CDK11A: variants seen among roughly 807,000 people sequenced by gnomAD.
CDK11A encodes cyclin dependent kinase 11A.
CDK11A carries 55 observed loss-of-function variants against 83.6 expected under a neutral mutation model. The observed-to-expected ratio is 0.66, with a 90% CI of 0.53 to 0.82. CDK11A has a LOEUF of 0.82. CDK11A is among the 40% of genes least tolerant of loss of function. The probability of loss-of-function intolerance (pLI) is 0.00; values close to 1 mark genes in which losing one functional copy is unlikely to be tolerated. For missense variants in CDK11A, 564 were observed against 810.1 expected (o/e 0.70, Z 3.69); for synonymous variants, 247 against 302.7 (o/e 0.82, Z 1.91).
At position 1,721,765 on chromosome 1, in the gene CDK11A, T is replaced by C. The variant is rs576656860; in HGVS notation, c.112-54A>G. 2,241 of 1,447,184 alleles carry C rather than the reference T, an allele frequency of 1.5e-3. 52 individuals carry two copies. The highest frequency in any genetic ancestry group is 2.0e-3 in the Non-Finnish European group (2,143 of 1,063,346). 89.6% of individuals were successfully genotyped at this position (1,447,184 alleles called of 1,614,324 possible). A position where few individuals can be genotyped will look rare whatever the true frequency, so the allele number is the denominator to read the frequency against. ...TTCTTTATAAGTTTTTTTTTCTTCA[T>C]AGATAAAAGTATTTTTAATGATAAT... is the stretch of plus-strand genomic sequence containing the variant. On this transcript the variant is annotated intron_variant, in intron 2 of 19. Coordinates refer to ENST00000404249, the MANE Select transcript of CDK11A (RefSeq NM_024011.4).
chr1:1,703,959 T>C lies in CDK11A; in HGVS notation c.1795-19A>G, dbSNP rs765093284. The C allele has an allele frequency of 1.2e-6, 2 of 1,607,898 alleles. No homozygotes were observed. Among genetic ancestry groups the C allele is most frequent in the Non-Finnish European group, 1.7e-6 (2 of 1,176,394 alleles). Reference sequence around the variant, plus strand: ...AGTATTCCTAAGACGCCAGGAGAGGTGTTCAGGAAGGCCAGTGCCCGCGAA... The same window carrying C: ...AGTATTCCTAAGACGCCAGGAGAGGCGTTCAGGAAGGCCAGTGCCCGCGAA... On this transcript the variant is annotated intron_variant, in intron 16 of 19. Transcript: ENST00000404249.
chr1:1,722,685 T>G, intron 2 of CDK11A, 23 bp downstream of exon 2: 1 of 1,555,022 alleles, frequency 6.4e-7, no homozygotes, highest in Non-Finnish European at 8.7e-7. Context: ...AGAAAACCAC[T>G]TACTTAAAAA....
intron 6 of CDK11A, among the ~76,000 whole-genome samples, chr1:1,710,753 G>A (rs1458330453): frequency 6.1e-5 from 9 of 146,980 alleles, no homozygotes; most frequent in Non-Finnish European, 1.4e-4. Context: ...AGAAAATGAC[G>A]CGTGAACACG....
chr1:1,704,397 C>T, intron 14 of CDK11A, 53 bp from the exon 15 acceptor site: 1 of 1,599,984 alleles, frequency 6.3e-7, no homozygotes. Context: ...GCCCAGGGCA[C>T]TCAGGGTGGC....
chr1:1,708,520 A>G, intron 9 of CDK11A, among the ~76,000 whole-genome samples: 1 of 122,074 alleles, frequency 8.2e-6, no homozygotes, highest in Non-Finnish European at 1.9e-5. Context: ...GCACACCTGT[A>G]CTCCCAGCTA....
At position 1,721,809 on chromosome 1, in the gene CDK11A, C is replaced by G; in HGVS notation, c.112-98G>C. 2.8e-6 allele frequency: 4 copies of G among 1,403,870 alleles called. No homozygotes were observed. In the South Asian group the frequency reaches 4.1e-5, roughly 15 times the overall value. 87.0% of individuals were successfully genotyped at this position (1,403,870 alleles called of 1,614,324 possible). ...TGATAATCAAACCTGGGCAACATCC[C>G]AAAACAAACTTTCACATGTACTCTG... is the stretch of plus-strand genomic sequence containing the variant. On this transcript the variant is annotated intron_variant, in intron 2 of 19. Coordinates refer to ENST00000404249, the MANE Select transcript of CDK11A (RefSeq NM_024011.4).
In CDK11A at chr1:1,723,514, A is replaced by AG. The variant is rs1269110363; in HGVS notation, c.-13-684_-13-683insC. On this transcript the variant is annotated intron_variant, in intron 1 of 19. Coordinates refer to ENST00000404249, the MANE Select transcript of CDK11A (RefSeq NM_024011.4). ...AAAAAAAAAAAAAAAAAAAAAAAAA[A>AG]AAAAAAAAACAAGAATGATAAGTTG... 1.5e-3 allele frequency among the ~76,000 whole-genome samples: 63 copies of AG among 42,622 alleles called. 5 individuals are homozygous for AG. Among genetic ancestry groups the AG allele is most frequent in the Admixed American group, 3.9e-3 (9 of 2,284 alleles). 28.0% of individuals were successfully genotyped at this position (42,622 alleles called of 152,430 possible).
At position 1,704,097 on chromosome 1, in the gene CDK11A, T is replaced by TA. The variant is rs747876059; in HGVS notation, c.1735dup (p.Tyr579LeufsTer66). ...CCACTGGGTCACCACGACCGGGGTG[T>TA]AGGCCTTCAGAGGGGATCCGTACTC... On this transcript the variant is annotated frameshift_variant, in exon 16 of 20. Coordinates refer to ENST00000404249, the MANE Select transcript of CDK11A (RefSeq NM_024011.4). LOFTEE classifies it high-confidence loss of function. 2,367 of 1,600,414 alleles carry TA rather than the reference T, an allele frequency of 1.5e-3. No individual in the cohort carries two copies. The highest frequency in any genetic ancestry group is 1.2e-3 in the Non-Finnish European group (1,425 of 1,171,712).
At chr1:1,710,803 C>G (rs952802644) in intron 6 of CDK11A, among the ~76,000 whole-genome samples, 7 of 129,652 alleles carry the variant, frequency 5.4e-5, no homozygotes, top group Non-Finnish European at 8.5e-5. Context: ...AACAAGAAAC[C>G]AGAGAGAAAT....
At chr1:1,703,737 T>C (rs1644179902) in intron 17 of CDK11A, 87 bp downstream of exon 17, 3 of 1,562,020 alleles carry the variant, frequency 1.9e-6, no homozygotes, top group Non-Finnish European at 2.6e-6. Flanking sequence ...CTGGTCCCCA[T>C]CTCAACCCAG....
chr1:1,719,536 C>G, intron 3 of CDK11A, 81 bp from the exon 4 acceptor site: 5 of 1,130,500 alleles, frequency 4.4e-6, no homozygotes, highest in Non-Finnish European at 5.9e-6. Context: ...TTTTTCAACC[C>G]AGAAAAATGC....
At position 1,704,085 on chromosome 1, in the gene CDK11A, A is replaced by G. The variant is rs1644201821; in HGVS notation, c.1748T>C (p.Val583Ala). 1 of 1,597,644 alleles carries G rather than the reference A, an allele frequency of 6.3e-7. No homozygotes were observed. The highest frequency in any genetic ancestry group is 8.5e-7 in the Non-Finnish European group (1 of 1,170,098). ...TGGGGCGCGGTACCACTGGGTCACC[A>G]CGACCGGGGTGTAGGCCTTCAGAGG... ...GSPLKAYTPV[V>A]VTQWYRAPEL... Residue 583 changes from valine (V) to alanine (A), a missense_variant, in exon 16 of 20, where the codon GTG (valine) becomes GCG (alanine). Val to Ala is a moderately conservative substitution (Grantham distance 64, BLOSUM62 0). Coordinates refer to ENST00000404249, the MANE Select transcript of CDK11A (RefSeq NM_024011.4).
At chr1:1,719,277 G>C in intron 4 of CDK11A, 51 bp downstream of exon 4, 1 of 1,439,628 alleles carries the variant, frequency 6.9e-7, no homozygotes, top group Non-Finnish European at 9.2e-7. Flanking sequence ...GTAGGAACAG[G>C]AAAGAAACCA....
chr1:1,718,086 G>A (rs1292915120), intron 4 of CDK11A, among the ~76,000 whole-genome samples: 3 of 137,300 alleles, frequency 2.2e-5, no homozygotes, highest in Non-Finnish European at 1.5e-5. Flanking sequence ...ACACACGCAC[G>A]CTTTCAGCTA....
Position 1,703,980 on chromosome 1 carries a change from G to C in CDK11A, c.1795-40C>G, listed in dbSNP as rs368479406. On this transcript the variant is annotated intron_variant, in intron 16 of 19. Coordinates refer to ENST00000404249, the MANE Select transcript of CDK11A (RefSeq NM_024011.4). ...GAGGTGTTCAGGAAGGCCAGTGCCC[G>C]CGAAGCTGTGGGAGGCTGCATGGGG... 182 of 1,607,272 alleles carry C rather than the reference G, an allele frequency of 1.1e-4. 6 individuals carry two copies. In the African/African-American group the frequency reaches 2.0e-3, roughly 18 times the overall value.
intron 4 of CDK11A, among the ~76,000 whole-genome samples, chr1:1,717,243 A>C (rs1644699243): frequency 6.6e-6 from 1 of 151,236 alleles, no homozygotes; most frequent in African/African-American, 2.4e-5. Flanking sequence ...ATAATACAAA[A>C]ACCACTCTTC....
Position 1,704,100 on chromosome 1 carries a change from G to T in CDK11A, c.1733C>A (p.Ala578Asp), listed in dbSNP as rs1557778806. 6.2e-7 allele frequency: 1 copy of T among 1,600,798 alleles called. No homozygotes were observed. Among genetic ancestry groups the T allele is most frequent in the South Asian group, 1.1e-5 (1 of 89,724 alleles). ...CTGGGTCACCACGACCGGGGTGTAG[G>T]CCTTCAGAGGGGATCCGTACTCCCG... Reference protein sequence around the residue: ...LAREYGSPLKAYTPVVVTQWY... With the variant: ...LAREYGSPLKDYTPVVVTQWY... Residue 578 changes from alanine to aspartate, a missense_variant, in exon 16 of 20, where the codon GCC becomes GAC. Transcript: ENST00000404249.
At position 1,718,544 on chromosome 1, in the gene CDK11A, C is replaced by T. The variant is rs1425775722; in HGVS notation, c.355+784G>A. Among the ~76,000 whole-genome samples the T allele has an allele frequency of 6.1e-5, 9 of 148,660 alleles. 1 individual carries two copies. Among genetic ancestry groups the T allele is most frequent in the African/African-American group, 9.9e-5 (4 of 40,368 alleles). Reference sequence around the variant, plus strand: ...GCTAGAGTTTGCTCTCTCTGGTTTTCGGTCTGTGACACACGCACGCTTTCA... The same window carrying T: ...GCTAGAGTTTGCTCTCTCTGGTTTTTGGTCTGTGACACACGCACGCTTTCA... On this transcript the variant is annotated intron_variant, in intron 4 of 19. Transcript: ENST00000404249.
chr1:1,720,548 G>A (rs4475690), intron 3 of CDK11A, among the ~76,000 whole-genome samples: 10,776 of 147,294 alleles, frequency 0.073, 1,494 homozygotes, highest in African/African-American at 0.25. Context: ...ACAGGCGTGC[G>A]CTACCACACC....
Sources: allele counts gnomAD v4.1 joint callset (sites outside exome capture counted in the v4.1 genomes callset), GRCh38; gene constraint gnomAD v4.1.1; transcripts MANE v1.5; gene names NCBI Gene and HGNC (gene_info 2026-07-23, HGNC 2026-07-21).